GPRIN3: variants seen among roughly 807,000 people sequenced by gnomAD.
GPRIN3 encodes the protein G protein-regulated inducer of neurite outgrowth 3.
A neutral mutation model predicts 13.7 loss-of-function variants in GPRIN3; 12 were observed. That is an observed-to-expected ratio of 0.87 (90% confidence interval 0.56 to 1.42). The LOEUF is 1.42. GPRIN3 is among the 40% of genes most tolerant of loss of function. The pLI is 0.00. For synonymous variants in GPRIN3, 377 were observed against 372.7 expected (o/e 1.01, Z -0.13); for missense variants, 1,009 against 958.7 (o/e 1.05, Z -0.69).
At chr4:89,293,794 A>G (rs1364497820) in intron 1 of GPRIN3, among the ~76,000 whole-genome samples, 2 of 152,182 alleles carry the variant, frequency 1.3e-5, no homozygotes, top group Non-Finnish European at 2.9e-5. Flanking sequence ...AGCTCCCACA[A>G]TTGTTCAAGG....
chr4:89,255,498 T>C (rs1343561738), intron 1 of GPRIN3, among the ~76,000 whole-genome samples: 2 of 152,100 alleles, frequency 1.3e-5, no homozygotes, highest in Non-Finnish European at 2.9e-5. Flanking sequence ...AATATTGCAA[T>C]AGAGTAGAGA....
In GPRIN3 at chr4:89,249,974, C is replaced by G. The variant is rs752524242; in HGVS notation, c.137G>C (p.Gly46Ala). 7.4e-6 allele frequency: 12 copies of G among 1,614,222 alleles called. No homozygotes were observed. Among genetic ancestry groups the G allele is most frequent in the Non-Finnish European group, 9.3e-6 (11 of 1,180,018 alleles). Residue 46 changes from glycine to alanine, a missense_variant, in exon 2 of 2, where the codon GGC (glycine) becomes GCC (alanine). Transcript: ENST00000609438. Reference protein sequence around the residue: ...RPALLCKNANGFSGAPAEPDL... With the variant: ...RPALLCKNANAFSGAPAEPDL... ...TGGTTCTGCAGGGGCACCTGAAAAGCCATTGGCATTCTTACACAGGAGAGC... is the reference window on the plus strand; with the variant it reads ...TGGTTCTGCAGGGGCACCTGAAAAGGCATTGGCATTCTTACACAGGAGAGC...
rs147814419 is a variant in GPRIN3, at chr4:89,249,469, A to T, written c.642T>A (p.Ser214=). The stretch of plus-strand genomic sequence containing the variant: ...TTTCCCCTTCAGGTCCACCTACAGG[A>T]GAGGATGAGTGACTGACCACCCTGG... ...TAARVVSHSS[S]PVGGPEGERQ... is the part of the protein sequence containing the mutation. The change falls in exon 2 of 2, where the codon TCT becomes TCA. Residue 214 remains serine, a synonymous_variant. Transcript: ENST00000609438. 6.2e-7 allele frequency: 1 copy of T among 1,614,026 alleles called. No individual in the cohort carries two copies. The highest frequency in any genetic ancestry group is 8.5e-7 in the Non-Finnish European group (1 of 1,179,996).
chr4:89,253,950 G>C (rs1162512831), intron 1 of GPRIN3, among the ~76,000 whole-genome samples: 1 of 152,124 alleles, frequency 6.6e-6, no homozygotes, highest in Non-Finnish European at 1.5e-5. Flanking sequence ...CAGTGGGTCA[G>C]GCAAATCGAA....
At chr4:89,307,036 G>T (rs1725050882) in intron 1 of GPRIN3, among the ~76,000 whole-genome samples, 1 of 151,970 alleles carries the variant, frequency 6.6e-6, no homozygotes, top group South Asian at 2.1e-4. Flanking sequence ...TCTCTACCCT[G>T]ATTTAATGTG....
chr4:89,286,959 G>C (rs1252161879), intron 1 of GPRIN3, among the ~76,000 whole-genome samples: 2 of 152,152 alleles, frequency 1.3e-5, no homozygotes. Context: ...CCTGTGAATA[G>C]CCACTGCACT....
In GPRIN3 at chr4:89,251,441, T is replaced by G. The variant is rs539075626; in HGVS notation, c.-123-1208A>C. Among the ~76,000 whole-genome samples the G allele has an allele frequency of 6.6e-5, 10 of 152,326 alleles. 1 individual carries two copies. In the East Asian group the frequency reaches 1.7e-3, roughly 26 times the overall value. ...TTTAAAACTATAAATACACATTTCC[T>G]TGACTCAATGATACCAACTCTATCA... is the stretch of plus-strand genomic sequence containing the variant. On this transcript the variant is annotated intron_variant, in intron 1 of 1. Transcript: ENST00000609438.
intron 1 of GPRIN3, among the ~76,000 whole-genome samples, chr4:89,264,889 C>T (rs1472459311): frequency 6.6e-6 from 1 of 152,156 alleles, no homozygotes; most frequent in African/African-American, 2.4e-5. Context: ...ATGTCTTCCC[C>T]TGCTGGAATG....
At chr4:89,280,908 C>T (rs758214529) in intron 1 of GPRIN3, among the ~76,000 whole-genome samples, 12 of 152,072 alleles carry the variant, frequency 7.9e-5, no homozygotes, top group Non-Finnish European at 1.5e-4. Flanking sequence ...TCCTGCATTG[C>T]TATAAAGGAA....
chr4:89,270,483 T>C (rs1332760578), intron 1 of GPRIN3, among the ~76,000 whole-genome samples: 1 of 148,210 alleles, frequency 6.7e-6, no homozygotes, highest in Non-Finnish European at 1.5e-5. Flanking sequence ...CCTGTATGTA[T>C]TTACCATATT....
Position 89,248,610 on chromosome 4 carries a change from T to C in GPRIN3, c.1501A>G (p.Asn501Asp). ...CAATCTGGGTCTGTTTTGTGGCCGT[T>C]TGTCGTTTTCTCTGCAAACTCAGAT... is the stretch of plus-strand genomic sequence containing the variant. ...RPSEFAEKTT[N>D]GHKTDPDCKL... Residue 501 changes from asparagine (N) to aspartate (D), a missense_variant, in exon 2 of 2, where the codon AAC (asparagine) becomes GAC (aspartate). By Grantham distance (23) the Asn-to-Asp change is conservative. Transcript: ENST00000609438. The C allele has an allele frequency of 6.2e-7, 1 of 1,613,950 alleles. No individual in the cohort carries two copies. The highest frequency in any genetic ancestry group is 8.5e-7 in the Non-Finnish European group (1 of 1,179,862).
intron 1 of GPRIN3, among the ~76,000 whole-genome samples, chr4:89,280,772 G>A (rs1724223771): frequency 6.6e-6 from 1 of 152,148 alleles, no homozygotes; most frequent in Admixed American, 6.5e-5. Flanking sequence ...AGACACACAA[G>A]CAAGAAGGGA....
chr4:89,276,075 C>T (rs1724085123), intron 1 of GPRIN3, among the ~76,000 whole-genome samples: 1 of 152,176 alleles, frequency 6.6e-6, no homozygotes, highest in Admixed American at 6.5e-5. Context: ...AACAGTAGTA[C>T]TTTTCTCTGA....
At chr4:89,276,987 T>C (rs960727328) in intron 1 of GPRIN3, among the ~76,000 whole-genome samples, 1 of 152,216 alleles carries the variant, frequency 6.6e-6, no homozygotes, top group Non-Finnish European at 1.5e-5. Flanking sequence ...ACAATTTACA[T>C]TAAAAAAGAT....
chr4:89,267,824 G>A (rs1384054102), intron 1 of GPRIN3, among the ~76,000 whole-genome samples: 1 of 152,182 alleles, frequency 6.6e-6, no homozygotes, highest in Non-Finnish European at 1.5e-5. Flanking sequence ...CACAAAGAAA[G>A]GTGCAGATGT....
intron 1 of GPRIN3, among the ~76,000 whole-genome samples, chr4:89,275,703 T>C (rs533882091): frequency 6.6e-6 from 1 of 152,276 alleles, no homozygotes; most frequent in Non-Finnish European, 1.5e-5. Flanking sequence ...CAAGAAATGG[T>C]TGTGTAACCT....
chr4:89,286,931 T>TA (rs1462174119), intron 1 of GPRIN3, among the ~76,000 whole-genome samples: 1 of 152,134 alleles, frequency 6.6e-6, no homozygotes, highest in Non-Finnish European at 1.5e-5. Context: ...TTTGAGGCTA[T>TA]AGTGAGCTAT....
rs1198276532 is a variant in GPRIN3, at chr4:89,244,956, T to C, written c.*2824A>G. On this transcript the variant is annotated 3_prime_UTR_variant, in exon 2 of 2. Coordinates refer to ENST00000609438, the MANE Select transcript of GPRIN3 (RefSeq NM_198281.3). ...CCCAATGTGTGTCATGCAGGTAAAGTAAGGAAAAAACTGAGCAAGTTCCAA... is the reference window on the plus strand; with the variant it reads ...CCCAATGTGTGTCATGCAGGTAAAGCAAGGAAAAAACTGAGCAAGTTCCAA... 1 of 152,138 alleles carries C rather than the reference T, an allele frequency of 6.6e-6. No individual in the cohort carries two copies. Among genetic ancestry groups the C allele is most frequent in the Non-Finnish European group, 1.5e-5 (1 of 68,018 alleles). 9.4% of individuals were successfully genotyped at this position (152,138 alleles called of 1,614,324 possible).
intron 1 of GPRIN3, among the ~76,000 whole-genome samples, chr4:89,297,125 T>C (rs569334855): frequency 5.3e-5 from 8 of 152,348 alleles, no homozygotes; most frequent in African/African-American, 1.9e-4. Context: ...ATGCTATCTA[T>C]TTCCTCATCT....
Sources: gnomAD v4.1 joint callset for allele counts (sites outside exome capture counted in the v4.1 genomes callset) on GRCh38, gnomAD v4.1.1 for gene constraint, MANE v1.5 for transcripts, NCBI Gene and HGNC (gene_info 2026-07-23, HGNC 2026-07-21) for gene names.